The following METTL23 variants were observed in gnomAD, a reference collection of about 807,000 sequenced individuals.
METTL23 encodes methyltransferase 23, arginine, also known as histone-arginine methyltransferase METTL23.
METTL23 carries 24 observed loss-of-function variants against 21.2 expected under a neutral mutation model. The ratio of observed to expected loss-of-function variants is 1.13; its 90% CI spans 0.82 to 1.59. The LOEUF (loss-of-function observed/expected upper bound fraction) is 1.59. Ranked by LOEUF, METTL23 falls within the 40% of genes most tolerant of loss-of-function variation. The pLI, the probability that METTL23 is intolerant of heterozygous loss-of-function variation, is 0.00. For synonymous variants in METTL23, 97 were observed against 75.2 expected, an observed-to-expected ratio of 1.29 and a Z score of -1.50; for missense variants, 276 against 221.4, an observed-to-expected ratio of 1.25 and a Z score of -1.57.
rs1215090579 is a variant in METTL23 at position 76,726,930 on chromosome 17, G to T, written c.-270G>T. 1.1e-5 allele frequency: 5 copies of T among 456,562 alleles called. No individual in the cohort carries two copies. The highest frequency in any genetic ancestry group is 7.7e-5 in the South Asian group (5 of 64,562). The allele number at this position is 456,562 out of a possible 1,614,324, so 28.3% of individuals were successfully genotyped here. A position where few individuals can be genotyped will look rare whatever the true frequency, so the allele number is the denominator to read the frequency against. ...GCTTTCTTCGCTCGCAGCGCGGCAGGGTTATCACCAGATCTGGGCTTTCCC... is the reference window on the plus strand; with the variant it reads ...GCTTTCTTCGCTCGCAGCGCGGCAGTGTTATCACCAGATCTGGGCTTTCCC... On this transcript the variant is annotated 5_prime_UTR_variant, in exon 1 of 5. Coordinates refer to ENST00000341249, the MANE Select transcript of METTL23 (RefSeq NM_001080510.5).
In METTL23 at chr17:76,727,029, C is replaced by A. The variant is rs556401997; in HGVS notation, c.-171C>A. ...GCGCAGTCTGGCAGCCCGGAGCCTT[C>A]CGCGGTCCCCCGCCCGCCCGGGGCC... On this transcript the variant is annotated 5_prime_UTR_variant, in exon 1 of 5. Coordinates refer to ENST00000341249, the MANE Select transcript of METTL23 (RefSeq NM_001080510.5). 1.4e-4 allele frequency: 62 copies of A among 455,256 alleles called. 1 individual carries two copies. The highest frequency in any genetic ancestry group is 1.2e-3 in the Admixed American group (51 of 42,508). 28.2% of individuals were successfully genotyped at this position (455,256 alleles called of 1,614,324 possible). A position where few individuals can be genotyped will look rare whatever the true frequency, so the allele number is the denominator to read the frequency against.
At chr17:76,731,508 G>C (rs1466969946) in intron 2 of METTL23, among the ~76,000 whole-genome samples, 1 of 152,132 alleles carries the variant, frequency 6.6e-6, no homozygotes, top group African/African-American at 2.4e-5. Context: ...ACATCAGATG[G>C]GTAATTAGGA....
intron 2 of METTL23, 55 bp downstream of exon 2, chr17:76,729,849 T>G (rs1347435021): frequency 7.8e-7 from 1 of 1,287,682 alleles, no homozygotes; most frequent in African/African-American, 1.5e-5. Context: ...ATGTGTTAAG[T>G]TGACATGTGT....
intron 1 of METTL23, chr17:76,727,391 C>T (rs1360307700): frequency 9.7e-6 from 3 of 310,834 alleles, no homozygotes; most frequent in Non-Finnish European, 1.9e-5. Context: ...AAGAAGTGAC[C>T]CTGGTCACTA....
At chr17:76,728,160 CGAGAGGTCGAGG>C (rs2077032546) in intron 1 of METTL23, among the ~76,000 whole-genome samples, 1 of 151,150 alleles carries the variant, frequency 6.6e-6, no homozygotes. Context: ...TGCTTGAGCC[CGAGAGGTCGAGG>C]CTGCTGTGAG....
chr17:76,726,967 C>T lies in METTL23; in HGVS notation c.-233C>T. The stretch of plus-strand genomic sequence containing the variant: ...ATCTGGGCTTTCCCCTTCTTGCCGT[C>T]AGGTGCTACGGCCACGTGGCCCGCG... On this transcript the variant is annotated 5_prime_UTR_variant, in exon 1 of 5. Transcript: ENST00000341249. The T allele has an allele frequency of 2.2e-6, 1 of 456,710 alleles. No individual in the cohort carries two copies. The highest frequency in any genetic ancestry group is 1.5e-5 in the South Asian group (1 of 64,566). The allele number at this position is 456,710 out of a possible 1,614,324, so 28.3% of individuals were successfully genotyped here.
intron 1 of METTL23, among the ~76,000 whole-genome samples, chr17:76,729,225 C>T (rs752983470): frequency 6.6e-6 from 1 of 151,992 alleles, no homozygotes; most frequent in Non-Finnish European, 1.5e-5. Context: ...ATTACAGGCA[C>T]GTGCCACCAT....
chr17:76,733,501 A>C lies in METTL23; in HGVS notation c.408-20A>C. 1 of 1,600,628 alleles carries C rather than the reference A, an allele frequency of 6.2e-7. No individual in the cohort carries two copies. The highest frequency in any genetic ancestry group is 8.5e-7 in the Non-Finnish European group (1 of 1,174,826). On this transcript the variant is annotated intron_variant, in intron 4 of 4. Coordinates refer to ENST00000341249, the MANE Select transcript of METTL23 (RefSeq NM_001080510.5). The stretch of plus-strand genomic sequence containing the variant: ...AACAGAAAAGGCATGACTTTAAAAG[A>C]ACAACTTTTTTTTTTTAAGTGCTGA...
chr17:76,732,181 AAC>A (rs2077238271), intron 2 of METTL23, among the ~76,000 whole-genome samples: 1 of 146,704 alleles, frequency 6.8e-6, no homozygotes, highest in Non-Finnish European at 1.5e-5. Context: ...AACATGGTGA[AAC>A]CCAGTCCCTA....
chr17:76,726,645 C>A, upstream of METTL23: 1 of 938,916 alleles, frequency 1.1e-6, no homozygotes, highest in South Asian at 1.8e-5. Context: ...CAGCCACCTC[C>A]CGAGCCTCGG....
rs750719893 is a variant in METTL23 at position 76,733,452 on chromosome 17, AAGAAT to A, written c.408-62_408-58del. ...ACCCTACCCATGCGATACATAATTT[AAGAAT>A]AGAATACATCTGAAGCAAAACAGAA... On this transcript the variant is annotated intron_variant, in intron 4 of 4. Transcript: ENST00000341249. 3.0e-5 allele frequency: 48 copies of A among 1,598,062 alleles called. No individual in the cohort carries two copies. In the Admixed American group the frequency reaches 8.4e-4, roughly 28 times the overall value.
chr17:76,726,624 A>T, upstream of METTL23: 3 of 1,083,088 alleles, frequency 2.8e-6, no homozygotes, highest in Non-Finnish European at 3.8e-6. Context: ...CCTTCCAGAA[A>T]ATTCACTCCC....
At chr17:76,729,542 T>G in intron 1 of METTL23, 148 bp from the exon 2 acceptor site, 1 of 605,488 alleles carries the variant, frequency 1.7e-6, no homozygotes, top group East Asian at 2.8e-5. Flanking sequence ...CACATTGCAT[T>G]GCAGTTTTAT....
intron 2 of METTL23, among the ~76,000 whole-genome samples, chr17:76,731,799 G>T (rs1011443360): frequency 6.6e-6 from 1 of 152,180 alleles, no homozygotes; most frequent in East Asian, 1.9e-4. Context: ...ATTAGGGGTA[G>T]GATTTGGCAC....
At chr17:76,729,639 C>T in intron 1 of METTL23, 51 bp from the exon 2 acceptor site, 1 of 1,303,210 alleles carries the variant, frequency 7.7e-7, no homozygotes, top group Non-Finnish European at 1.1e-6. Context: ...ATGAATGATT[C>T]CAACTTCCAG....
intron 2 of METTL23, among the ~76,000 whole-genome samples, chr17:76,730,430 CT>C (rs1276314108): frequency 1.3e-5 from 2 of 152,114 alleles, no homozygotes; most frequent in Non-Finnish European, 2.9e-5. Context: ...TAGTGAGACG[CT>C]GTCTCTAAGA....
chr17:76,728,577 ATTTTTGTAT>A (rs1054759339), intron 1 of METTL23, among the ~76,000 whole-genome samples: 2 of 151,504 alleles, frequency 1.3e-5, no homozygotes, highest in African/African-American at 4.9e-5. Context: ...TGCCTGGCTA[ATTTTTGTAT>A]TTTTAGTAGA....
At position 76,729,671 on chromosome 17, in the gene METTL23, A is replaced by G; in HGVS notation, c.-21-19A>G. ...CCAGCAGCTAAATTATTTATGGCAC[A>G]CAAAAACATTCTTTTCAGGTCCTGC... On this transcript the variant is annotated intron_variant, in intron 1 of 4. Transcript: ENST00000341249. The G allele has an allele frequency of 6.7e-7, 1 of 1,497,190 alleles. No homozygotes were observed. Among genetic ancestry groups the G allele is most frequent in the Non-Finnish European group, 9.1e-7 (1 of 1,096,276 alleles). The allele number at this position is 1,497,190 out of a possible 1,614,324, so 92.7% of individuals were successfully genotyped here.
upstream of METTL23, chr17:76,726,506 A>G: frequency 6.4e-7 from 1 of 1,573,428 alleles, no homozygotes; most frequent in East Asian, 2.4e-5. Context: ...TTCCGCTACG[A>G]CCTCGGCGCA....
Sources: allele counts gnomAD v4.1 joint callset (sites outside exome capture counted in the v4.1 genomes callset), GRCh38; gene constraint gnomAD v4.1.1; transcripts MANE v1.5; gene names NCBI Gene and HGNC (gene_info 2026-07-23, HGNC 2026-07-21).